PRDM2: variants seen among roughly 807,000 people sequenced by gnomAD.
PRDM2 encodes the protein PR domain zinc finger protein 2.
PRDM2 carries 30 observed loss-of-function variants against 130.0 expected under a neutral mutation model. The observed-to-expected ratio is 0.23, with a 90% CI of 0.17 to 0.31. The LOEUF (loss-of-function observed/expected upper bound fraction) is 0.31, where lower values mean the gene tolerates loss of function less well. Among genes scored for constraint, PRDM2 ranks in the 10% least tolerant of loss-of-function variants. The pLI, the probability that PRDM2 is intolerant of heterozygous loss-of-function variation, is 1.00. For missense variants in PRDM2, 2,011 were observed against 2,108.4 expected (o/e 0.95, Z 0.90); for synonymous variants, 871 against 782.4 (o/e 1.11, Z -1.89).
At chr1:13,727,587 G>A (rs1268434631) in intron 2 of PRDM2, among the ~76,000 whole-genome samples, 1 of 152,152 alleles carries the variant, frequency 6.6e-6, no homozygotes, top group Non-Finnish European at 1.5e-5. Context: ...CCACTGATCG[G>A]AAGGCATGTG....
At chr1:13,725,703 C>T (rs1040272266) in intron 2 of PRDM2, among the ~76,000 whole-genome samples, 1 of 152,204 alleles carries the variant, frequency 6.6e-6, no homozygotes, top group Admixed American at 6.5e-5. Flanking sequence ...GACATTTTCA[C>T]ACATGATAGC....
At chr1:13,752,371 C>T (rs1016396126) in intron 6 of PRDM2, among the ~76,000 whole-genome samples, 1 of 152,100 alleles carries the variant, frequency 6.6e-6, no homozygotes, top group Non-Finnish European at 1.5e-5. Context: ...ATCTGAGCAG[C>T]CTCTGTAAAA....
chr1:13,722,612 ACT>A (rs1325006560), intron 2 of PRDM2, among the ~76,000 whole-genome samples: 2 of 151,954 alleles, frequency 1.3e-5, no homozygotes, highest in African/African-American at 4.8e-5. Flanking sequence ...AGAAGTTAAA[ACT>A]CAGTCTCACC....
intron 6 of PRDM2, among the ~76,000 whole-genome samples, chr1:13,757,196 T>C (rs567540820): frequency 7.7e-4 from 118 of 152,348 alleles, no homozygotes; most frequent in African/African-American, 2.6e-3. Context: ...ATGGATTGCA[T>C]AGGTATATTG....
At position 13,779,552 on chromosome 1, in the gene PRDM2, T is replaced by C. The variant is rs552327386; in HGVS notation, c.1757T>C (p.Ile586Thr). The C allele has an allele frequency of 1.9e-4, 310 of 1,614,194 alleles. 2 individuals are homozygous for C. The South Asian group carries it at 3.1e-3, about 16-fold the overall frequency. ...TNNNTSNCDV[I>T]EMESASADLY... is the part of the protein sequence containing the mutation. ...AACAACACTAGTAACTGTGATGTGA[T>C]TGAGATGGAGTCTGCTTCGGCAGAT... The change falls in exon 8 of 10, where the codon ATT becomes ACT. Residue 586 changes from isoleucine (I) to threonine (T), a missense_variant. Around this residue, in one of 5 missense-constraint regions of PRDM2, gnomAD observed 1,288 missense variants for 1,237.7 expected, o/e 1.04. Coordinates refer to ENST00000311066, the MANE Select transcript of PRDM2 (RefSeq NM_001393986.1). The surrounding 1 kb of genome is among the most constrained non-coding windows in gnomAD (Gnocchi z 4.9).
chr1:13,804,272 C>T (rs1307370352), intron 8 of PRDM2, among the ~76,000 whole-genome samples: 9 of 152,296 alleles, frequency 5.9e-5, no homozygotes, highest in South Asian at 2.1e-4. Flanking sequence ...GGCACCGCAG[C>T]GACTCCTTGG....
intron 8 of PRDM2, among the ~76,000 whole-genome samples, chr1:13,783,754 A>T (rs1186684423): frequency 1.3e-5 from 2 of 152,220 alleles, no homozygotes; most frequent in Admixed American, 1.3e-4. Flanking sequence ...TGAATAGTTC[A>T]GTCTCATGTG....
At chr1:13,752,023 G>A (rs955830298) in intron 6 of PRDM2, among the ~76,000 whole-genome samples, 2 of 149,120 alleles carry the variant, frequency 1.3e-5, no homozygotes, top group African/African-American at 5.0e-5. Flanking sequence ...CCCCTGCTGT[G>A]TACTAGGCAC....
chr1:13,782,788 A>G lies in PRDM2; in HGVS notation c.4993A>G (p.Lys1665Glu), dbSNP rs1355964257. 3.1e-6 allele frequency: 5 copies of G among 1,610,308 alleles called. No individual in the cohort carries two copies. The highest frequency in any genetic ancestry group is 1.1e-5 in the South Asian group (1 of 90,500). ...LAAAADLSEN[K>E]REDGSAKQEL... ...AGCTGCTGCTGACTTGAGTGAGAAC[A>G]AGAGAGAGGACGGCAGCGCCAAGCA... The change falls in exon 8 of 10, where the codon AAG (lysine) becomes GAG (glutamate). Residue 1665 changes from lysine (K) to glutamate (E), a missense_variant. Around this residue, in one of 5 missense-constraint regions of PRDM2, gnomAD observed 410 missense variants for 395.9 expected, o/e 1.04. Coordinates refer to ENST00000311066, the MANE Select transcript of PRDM2 (RefSeq NM_001393986.1).
rs368778401 is a variant in PRDM2 at position 13,741,249 on chromosome 1, G to A, written c.232-756G>A. The stretch of plus-strand genomic sequence containing the variant: ...AGCATCTGTGGGAGGAATTGGTGTG[G>A]GTGAGAAGGGAAGGCTTCTTGCAAG... On this transcript the variant is annotated intron_variant, in intron 4 of 9. Coordinates refer to ENST00000311066, the MANE Select transcript of PRDM2 (RefSeq NM_001393986.1). Among the ~76,000 whole-genome samples, 134 of 152,294 alleles carry A rather than the reference G, an allele frequency of 8.8e-4. 3 individuals are homozygous for A. The Middle Eastern group carries it at 0.024, about 27-fold the overall frequency.
rs369257291 is a variant in PRDM2 at position 13,786,600 on chromosome 1, G to A, written c.5036+3769G>A. On this transcript the variant is annotated intron_variant, in intron 8 of 9. Coordinates refer to ENST00000311066, the MANE Select transcript of PRDM2 (RefSeq NM_001393986.1). ...ATGCTCAACTTAGGATAAGCACTAC[G>A]GCAAAGGATACGAAATCTACCAAGC... The A allele has an allele frequency of 1.7e-5, 27 of 1,594,388 alleles. No homozygotes were observed. In the East Asian group the frequency reaches 1.8e-4, roughly 11 times the overall value.
chr1:13,743,737 G>C (rs1180527171), intron 5 of PRDM2, among the ~76,000 whole-genome samples: 1 of 152,190 alleles, frequency 6.6e-6, no homozygotes, highest in African/African-American at 2.4e-5. Context: ...TAATTTTGCT[G>C]CATCTTTCCT....
rs1645086337 is a variant in PRDM2, at chr1:13,806,310, C to T, written c.5037-10117C>T. The stretch of plus-strand genomic sequence containing the variant: ...GCTCTGTCCCCTCGCTCCGTCTCCG[C>T]TCCCCCTTGGTGATCTCATCCAGTC... On this transcript the variant is annotated intron_variant, in intron 8 of 9. Transcript: ENST00000311066. This position sits in a 1 kb window ranked among gnomAD's most constrained non-coding sequence, Gnocchi z 4.1. Among the ~76,000 whole-genome samples the T allele has an allele frequency of 6.6e-6, 1 of 152,110 alleles. No individual in the cohort carries two copies. The highest frequency in any genetic ancestry group is 2.4e-5 in the African/African-American group (1 of 41,392).
intron 3 of PRDM2, 44 bp downstream of exon 3, chr1:13,731,161 C>A: frequency 6.6e-7 from 1 of 1,524,092 alleles, no homozygotes; most frequent in Non-Finnish European, 9.0e-7. Context: ...CAGTAAAGAG[C>A]AGGTGGCAGT....
Position 13,723,505 on chromosome 1 carries a change from A to G in PRDM2, c.10-7495A>G, listed in dbSNP as rs1348047963. ...ACTGGAGAAAGGAATTGGACGTGAC[A>G]GATTTTGAAGGATCAGCAGCAGGGT... is the stretch of plus-strand genomic sequence containing the variant. On this transcript the variant is annotated intron_variant, in intron 2 of 9. Coordinates refer to ENST00000311066, the MANE Select transcript of PRDM2 (RefSeq NM_001393986.1). 2.6e-5 allele frequency among the ~76,000 whole-genome samples: 4 copies of G among 152,326 alleles called. No individual in the cohort carries two copies. In the East Asian group the frequency reaches 7.7e-4, roughly 29 times the overall value.
chr1:13,726,579 G>C (rs560740597), intron 2 of PRDM2, among the ~76,000 whole-genome samples: 54 of 152,350 alleles, frequency 3.5e-4, no homozygotes, highest in Non-Finnish European at 6.0e-4. Context: ...ATTGGGGGAA[G>C]AGAAGCGGGT....
intron 9 of PRDM2, among the ~76,000 whole-genome samples, chr1:13,822,392 TTTTCTTTC>T (rs1440985150): frequency 2.0e-5 from 2 of 99,474 alleles, no homozygotes; most frequent in Non-Finnish European, 4.3e-5. Context: ...GTGTATTTCT[TTTTCTTTC>T]TTTTTTTTTT....
rs1160441426 is a variant in PRDM2, at chr1:13,816,421, G to A, written c.5037-6G>A. 1 of 1,613,836 alleles carries A rather than the reference G, an allele frequency of 6.2e-7. No homozygotes were observed. The highest frequency in any genetic ancestry group is 8.5e-7 in the Non-Finnish European group (1 of 1,179,960). On this transcript the variant is annotated splice_region_variant and splice_polypyrimidine_tract_variant and intron_variant, in intron 8 of 9. Transcript: ENST00000311066. ...GACAATGTGTGTTGTTCCTCTTCCT[G>A]CACAGCTACAGCCTCCGCTTGGCGT...
chr1:13,808,068 C>T (rs555370370), intron 8 of PRDM2, among the ~76,000 whole-genome samples: 1 of 152,216 alleles, frequency 6.6e-6, no homozygotes, highest in Non-Finnish European at 1.5e-5. Context: ...AGAGGCCAGA[C>T]ACTTCTGGGC....
Sources: gnomAD v4.1 joint callset for allele counts (sites outside exome capture counted in the v4.1 genomes callset) on GRCh38, gnomAD v4.1.1 for gene constraint, gnomAD v4.1.1 regional missense constraint, Gnocchi (gnomAD v3.1) non-coding constraint, MANE v1.5 for transcripts, NCBI Gene and HGNC (gene_info 2026-07-23, HGNC 2026-07-21) for gene names.